PACRGL: variants seen among roughly 807,000 people sequenced by gnomAD.
PACRGL encodes the protein PACRG-like protein.
A neutral mutation model predicts 34.5 loss-of-function variants in PACRGL; 38 were observed. That is an observed-to-expected ratio of 1.10 (90% confidence interval 0.85 to 1.44). PACRGL has a LOEUF of 1.44. PACRGL is among the 40% of genes most tolerant of loss of function. The pLI, the probability that PACRGL is intolerant of heterozygous loss-of-function variation, is 0.00. For missense variants in PACRGL, 305 were observed against 281.4 expected, an observed-to-expected ratio of 1.08 and a Z score of -0.60; for synonymous variants, 128 against 100.1, an observed-to-expected ratio of 1.28 and a Z score of -1.66.
downstream of PACRGL, chr4:20,732,748 A>G (rs759704353): frequency 2.5e-6 from 4 of 1,611,816 alleles, no homozygotes; most frequent in Non-Finnish European, 3.4e-6. Flanking sequence ...ACATTTACCC[A>G]TCATATCGTA....
chr4:20,754,400 A>C (rs186081766), downstream of PACRGL, among the ~76,000 whole-genome samples: 356 of 152,234 alleles, frequency 2.3e-3, 8 homozygotes, highest in South Asian at 0.047. Flanking sequence ...AATGAGAAAA[A>C]CTGTTGCATT....
intron 5 of PACRGL, 73 bp downstream of exon 5, chr4:20,709,846 T>A: frequency 7.8e-7 from 1 of 1,275,768 alleles, no homozygotes; most frequent in Non-Finnish European, 1.1e-6. Context: ...ACTTTGTAGC[T>A]TGTCAGTAAA....
chr4:20,709,315 T>C (rs1157146866), intron 4 of PACRGL, among the ~76,000 whole-genome samples: 1 of 152,254 alleles, frequency 6.6e-6, no homozygotes, highest in Non-Finnish European at 1.5e-5. Flanking sequence ...TGAAAAACAA[T>C]GTTCCTTGTG....
At chr4:20,727,234 TA>T (rs759896890) in intron 8 of PACRGL, 50 bp from the exon 9 acceptor site, 1 of 1,469,638 alleles carries the variant, frequency 6.8e-7, no homozygotes, top group Non-Finnish European at 9.5e-7. Context: ...TAATACCTAT[TA>T]GGGGAACTCT....
At chr4:20,714,488 A>G (rs1236938993) in intron 7 of PACRGL, among the ~76,000 whole-genome samples, 2 of 152,084 alleles carry the variant, frequency 1.3e-5, no homozygotes, top group East Asian at 3.9e-4. Context: ...GGAGCATTTT[A>G]GTCCATTTAC....
At chr4:20,720,203 T>G (rs938856811) in intron 7 of PACRGL, among the ~76,000 whole-genome samples, 4 of 152,214 alleles carry the variant, frequency 2.6e-5, no homozygotes, top group Non-Finnish European at 4.4e-5. Flanking sequence ...TCCATCCTTT[T>G]ATTTTGAGCC....
In PACRGL at chr4:20,729,375, A is replaced by AAATT. The variant is rs145217467; in HGVS notation, c.*2036_*2039dup. On this transcript the variant is annotated 3_prime_UTR_variant, in exon 9 of 9. Coordinates refer to ENST00000503585, the MANE Select transcript of PACRGL (RefSeq NM_001258345.3). ...CTGTAAGAAAGATTGAACAAATCCA[A>AAATT]AATTATTATATAGGCCTTGGCTGTA... 0.042 allele frequency: 6,430 copies of AAATT among 152,590 alleles called. 189 individuals carry two copies. The highest frequency in any genetic ancestry group is 0.065 in the Middle Eastern group (19 of 294). The allele number at this position is 152,590 out of a possible 1,614,324, so 9.5% of individuals were successfully genotyped here. A position where few individuals can be genotyped will look rare whatever the true frequency, so the allele number is the denominator to read the frequency against.
At chr4:20,735,736 C>T (rs553799745), downstream of PACRGL, among the ~76,000 whole-genome samples, 1 of 152,112 alleles carries the variant, frequency 6.6e-6, no homozygotes, top group East Asian at 1.9e-4. Flanking sequence ...GGGGTTTCAC[C>T]ATGTTGGCCA....
At chr4:20,721,819 C>T (rs1192409227) in intron 7 of PACRGL, among the ~76,000 whole-genome samples, 1 of 152,124 alleles carries the variant, frequency 6.6e-6, no homozygotes, top group Non-Finnish European at 1.5e-5. Flanking sequence ...ATCTCAAACT[C>T]CGTGCTGGGA....
chr4:20,754,790 AT>A (rs1173722071), downstream of PACRGL, among the ~76,000 whole-genome samples: 2 of 152,164 alleles, frequency 1.3e-5, no homozygotes, highest in African/African-American at 4.8e-5. Context: ...CAGAAATGTT[AT>A]TTTTCAAATA....
chr4:20,752,658 CCTT>C (rs1320074762), exon 9 of PACRGL: 3 of 152,060 alleles, frequency 2.0e-5, no homozygotes, highest in African/African-American at 7.2e-5. Flanking sequence ...AATCAATGGT[CCTT>C]CTGATGGAGT....
chr4:20,715,214 A>G (rs895817469), intron 7 of PACRGL, among the ~76,000 whole-genome samples: 2 of 152,028 alleles, frequency 1.3e-5, no homozygotes, highest in African/African-American at 2.4e-5. Context: ...ATAGGTGGGA[A>G]TTGAACAATG....
intron 8 of PACRGL, among the ~76,000 whole-genome samples, chr4:20,737,763 G>A (rs1279490263): frequency 6.6e-6 from 1 of 152,170 alleles, no homozygotes; most frequent in African/African-American, 2.4e-5. Flanking sequence ...CCATATTTTA[G>A]AAAATTATTT....
rs1489811045 is a variant in PACRGL, at chr4:20,704,529, A to G, written c.48A>G (p.Ala16=). ...GSGGTQLKNR[A]TGNYDQRTSS... ...GAGGTACACAGTTGAAAAACAGAGC[A>G]ACAGGTACAGAGCTTTTGTTTTTAA... Residue 16 remains alanine, a synonymous_variant, in exon 2 of 9, where the codon GCA becomes GCG. Coordinates refer to ENST00000503585, the MANE Select transcript of PACRGL (RefSeq NM_001258345.3). 2 of 1,613,966 alleles carry G rather than the reference A, an allele frequency of 1.2e-6. No homozygotes were observed. Among genetic ancestry groups the G allele is most frequent in the Non-Finnish European group, 1.7e-6 (2 of 1,179,998 alleles).
intron 8 of PACRGL, among the ~76,000 whole-genome samples, chr4:20,741,948 G>A (rs974832534): frequency 6.6e-6 from 1 of 152,188 alleles, no homozygotes; most frequent in East Asian, 1.9e-4. Context: ...ACACCTCTAT[G>A]CGAATAAACT....
At chr4:20,761,112 T>G in the PACRGL span, among the ~76,000 whole-genome samples, 1 of 152,168 alleles carries the variant, frequency 6.6e-6, no homozygotes, top group African/African-American at 2.4e-5. Context: ...AAGACGGACC[T>G]TCCCAGAGAA....
chr4:20,709,816 T>A, intron 5 of PACRGL, 43 bp downstream of exon 5: 1 of 1,468,326 alleles, frequency 6.8e-7, no homozygotes, highest in Non-Finnish European at 9.5e-7. Flanking sequence ...AAATAAACAT[T>A]AAAAATTGCA....
Position 20,728,467 on chromosome 4 carries a change from A to AACAGCTGCCTGCCTGCTGGCCTTGCTTTT in PACRGL, c.*1129_*1157dup. On this transcript the variant is annotated 3_prime_UTR_variant, in exon 9 of 9. Coordinates refer to ENST00000503585, the MANE Select transcript of PACRGL (RefSeq NM_001258345.3). ...AATAGAAGCAATTCCCTCTGGCTAC[A>AACAGCTGCCTGCCTGCTGGCCTTGCTTTT]ACAGCTGCCTGCCTGCTGGCCTTGC... The AACAGCTGCCTGCCTGCTGGCCTTGCTTTT allele has an allele frequency of 6.6e-6, 1 of 152,370 alleles. No individual in the cohort carries two copies. The highest frequency in any genetic ancestry group is 1.9e-4 in the East Asian group (1 of 5,190). The allele number at this position is 152,370 out of a possible 1,614,324, so 9.4% of individuals were successfully genotyped here. A position where few individuals can be genotyped will look rare whatever the true frequency, so the allele number is the denominator to read the frequency against.
At chr4:20,722,304 T>C (rs1743706244) in intron 7 of PACRGL, among the ~76,000 whole-genome samples, 1 of 152,236 alleles carries the variant, frequency 6.6e-6, no homozygotes, top group Admixed American at 6.5e-5. Flanking sequence ...CTGCTTCGGC[T>C]CACACTTGGT....
Sources: gnomAD v4.1 joint callset for allele counts (sites outside exome capture counted in the v4.1 genomes callset) on GRCh38, gnomAD v4.1.1 for gene constraint, MANE v1.5 for transcripts, NCBI Gene and HGNC (gene_info 2026-07-23, HGNC 2026-07-21) for gene names.